Variants in SLIT1 observed in about 807,000 individuals in gnomAD.
The protein encoded by SLIT1 is slit homolog 1 protein.
Under a neutral mutation model 186.1 loss-of-function variants are expected in SLIT1, and 66 were observed. The observed-to-expected ratio is 0.35, with a 90% CI of 0.29 to 0.44. The LOEUF is 0.44. SLIT1 is among the 20% of genes least tolerant of loss of function. SLIT1 has a pLI of 1.00. For synonymous variants in SLIT1, 761 were observed against 833.8 expected (o/e 0.91, Z 1.50); for missense variants, 1,638 against 2,037.4 (o/e 0.80, Z 3.77).
intron 4 of SLIT1, among the ~76,000 whole-genome samples, chr10:97,112,341 C>G (rs543212963): frequency 3.9e-5 from 6 of 152,230 alleles, no homozygotes; most frequent in Non-Finnish European, 8.8e-5. Context: ...TCTCTGTTTT[C>G]TTCTCCATCC....
At chr10:97,127,285 C>CA (rs34328563) in intron 4 of SLIT1, among the ~76,000 whole-genome samples, 78 of 131,314 alleles carry the variant, frequency 5.9e-4, no homozygotes, top group Middle Eastern at 3.9e-3. Context: ...GACTCCGTCT[C>CA]AAAAAAAAAA....
chr10:97,139,883 G>T (rs192062284), intron 4 of SLIT1, among the ~76,000 whole-genome samples: 4 of 152,284 alleles, frequency 2.6e-5, no homozygotes, highest in African/African-American at 9.6e-5. Context: ...CACAAGGTGG[G>T]TGTCCTTGGG....
chr10:97,005,153 CT>C (rs1019928527), intron 32 of SLIT1, among the ~76,000 whole-genome samples: 1 of 152,200 alleles, frequency 6.6e-6, no homozygotes, highest in Admixed American at 6.5e-5. Flanking sequence ...ACTGGGACCC[CT>C]GTCTGCTGGG....
rs903709586 is a variant in SLIT1 at position 97,184,562 on chromosome 10, A to T, written c.197+916T>A. 6.6e-6 allele frequency among the ~76,000 whole-genome samples: 1 copy of T among 152,046 alleles called. No homozygotes were observed. The highest frequency in any genetic ancestry group is 1.5e-5 in the Non-Finnish European group (1 of 67,994). ...AGAAAACAAAGTATAAAGGTCTGTA[A>T]ATACACACACTCAAACACACCCAAA... is the stretch of plus-strand genomic sequence containing the variant. On this transcript the variant is annotated intron_variant, in intron 1 of 36. Transcript: ENST00000266058. This position sits in a 1 kb window ranked among gnomAD's most constrained non-coding sequence, Gnocchi z 4.4.
Position 97,060,104 on chromosome 10 carries a change from G to A in SLIT1, c.996C>T (p.Tyr332=), listed in dbSNP as rs748073367. 41 of 1,613,698 alleles carry A rather than the reference G, an allele frequency of 2.5e-5. No individual in the cohort carries two copies. Among genetic ancestry groups the A allele is most frequent in the Non-Finnish European group, 3.3e-5 (39 of 1,179,670 alleles). ...GCACTCACATCCTCCGTAGCTTTCT[G>A]TAGGGTGAGAAGGCTCCAGGAGGGA... ...KSIPPGAFSP[Y]RKLRRIDLSN... is the part of the protein sequence containing the mutation. The change falls in exon 10 of 37, where the codon TAC becomes TAT. Residue 332 remains tyrosine, a synonymous_variant. Transcript: ENST00000266058.
intron 4 of SLIT1, among the ~76,000 whole-genome samples, chr10:97,087,687 ATC>A (rs1445643689): frequency 6.6e-6 from 1 of 152,142 alleles, no homozygotes; most frequent in African/African-American, 2.4e-5. Flanking sequence ...TGTCCTGAGT[ATC>A]TAGGGGGTAG....
In SLIT1 at chr10:97,125,940, T is replaced by A. The variant is rs1011732808; in HGVS notation, c.413+31878A>T. 7.2e-5 allele frequency among the ~76,000 whole-genome samples: 11 copies of A among 152,118 alleles called. No homozygotes were observed. In the East Asian group the frequency reaches 9.6e-4, roughly 13 times the overall value. ...TGCTGATATACAGTGGTCTCTTAGC[T>A]CTACAGGAGGAAAATAAACAGGTAA... On this transcript the variant is annotated intron_variant, in intron 4 of 36. Transcript: ENST00000266058.
chr10:97,185,516 C>T lies in SLIT1; in HGVS notation c.159G>A (p.Gln53=). ...TCCGAGGTATATTCTTGGGAATGGCCTGCAGCCCCGTGCCGTGGCAGTCCA... is the reference window on the plus strand; with the variant it reads ...TCCGAGGTATATTCTTGGGAATGGCTTGCAGCCCCGTGCCGTGGCAGTCCA... ...TTVDCHGTGL[Q]AIPKNIPRNT... The change falls in exon 1 of 37, where the codon CAG becomes CAA. Residue 53 remains glutamine, a synonymous_variant. Transcript: ENST00000266058. The T allele has an allele frequency of 6.2e-7, 1 of 1,612,442 alleles. No individual in the cohort carries two copies. The highest frequency in any genetic ancestry group is 8.5e-7 in the Non-Finnish European group (1 of 1,179,714).
intron 1 of SLIT1, among the ~76,000 whole-genome samples, chr10:97,179,635 T>C (rs1448491043): frequency 6.6e-6 from 1 of 152,196 alleles, no homozygotes; most frequent in Non-Finnish European, 1.5e-5. Context: ...CCTTACACTT[T>C]TGTTCTTTCT....
chr10:97,042,331 G>C (rs1043679320), intron 20 of SLIT1, among the ~76,000 whole-genome samples: 2 of 152,188 alleles, frequency 1.3e-5, no homozygotes, highest in Non-Finnish European at 2.9e-5. Context: ...GAGACACTAA[G>C]GATGGGATGG....
In SLIT1 at chr10:97,017,869, A is replaced by G. The variant is rs528427894; in HGVS notation, c.2969+717T>C. On this transcript the variant is annotated intron_variant, in intron 28 of 36. Coordinates refer to ENST00000266058, the MANE Select transcript of SLIT1 (RefSeq NM_003061.3). ...TTTTCTTTTTTTTTTTTTTTTTGAG[A>G]CAGAGTTTCGCTCTTGTTGCTCAGG... Among the ~76,000 whole-genome samples, 11 of 143,086 alleles carry G rather than the reference A, an allele frequency of 7.7e-5. No individual in the cohort carries two copies. The East Asian group carries it at 2.1e-3, about 27-fold the overall frequency. The allele number at this position is 143,086 out of a possible 152,430, so 93.9% of individuals were successfully genotyped here.
chr10:97,162,592 G>A (rs1045230066), intron 3 of SLIT1, among the ~76,000 whole-genome samples: 1 of 152,184 alleles, frequency 6.6e-6, no homozygotes, highest in Admixed American at 6.5e-5. Flanking sequence ...CAGCCTGGTA[G>A]ACACAGCAAG....
At position 97,043,295 on chromosome 10, in the gene SLIT1, T is replaced by C; in HGVS notation, c.1997+75A>G. On this transcript the variant is annotated intron_variant, in intron 19 of 36. Transcript: ENST00000266058. This position sits in a 1 kb window ranked among gnomAD's most constrained non-coding sequence, Gnocchi z 7.0. ...CCCAGCACCCCCAGGGTGAGCTCTT[T>C]CAAAGTGGCTGGCCGAGACGGTTGG... 6.3e-7 allele frequency: 1 copy of C among 1,585,846 alleles called. No individual in the cohort carries two copies.
intron 4 of SLIT1, among the ~76,000 whole-genome samples, chr10:97,146,832 CCA>C (rs1564687739): frequency 1.3e-5 from 2 of 152,144 alleles, no homozygotes; most frequent in Non-Finnish European, 2.9e-5. Flanking sequence ...CAGAAAGAAA[CCA>C]CACTTGCCAG....
intron 4 of SLIT1, among the ~76,000 whole-genome samples, chr10:97,081,513 T>C (rs1849105005): frequency 1.3e-5 from 2 of 152,148 alleles, no homozygotes. Flanking sequence ...CTCAGTCTTC[T>C]ACGGGGCTGT....
At chr10:97,119,913 G>GTGTATATATATATATATATATA (rs1241836707) in intron 4 of SLIT1, among the ~76,000 whole-genome samples, 5 of 56,510 alleles carry the variant, frequency 8.8e-5, no homozygotes, top group Non-Finnish European at 1.1e-4. Flanking sequence ...TTCCAAAGGG[G>GTGTATATATATATATATATATA]TATATATATA....
chr10:97,014,837 G>A (rs1430285757), intron 28 of SLIT1, among the ~76,000 whole-genome samples: 1 of 150,918 alleles, frequency 6.6e-6, no homozygotes, highest in Non-Finnish European at 1.5e-5. Context: ...CTGCACTCCA[G>A]CCTGGGTGAC....
chr10:97,021,244 G>C lies in SLIT1; in HGVS notation c.2746+6C>G. 2.5e-6 allele frequency: 4 copies of C among 1,613,014 alleles called. No homozygotes were observed. The highest frequency in any genetic ancestry group is 3.4e-6 in the Non-Finnish European group (4 of 1,179,370). On this transcript the variant is annotated splice_donor_region_variant and intron_variant, in intron 26 of 36. Coordinates refer to ENST00000266058, the MANE Select transcript of SLIT1 (RefSeq NM_003061.3). This position sits in a 1 kb window ranked among gnomAD's most constrained non-coding sequence, Gnocchi z 4.5. ...CAGCAGCAGGAGGCTGTGCTCCTAG[G>C]CTCACCTTGGCATTCAAACTTCTTG...
chr10:97,026,009 CACA>C (rs558494102), intron 25 of SLIT1, among the ~76,000 whole-genome samples: 209 of 151,938 alleles, frequency 1.4e-3, no homozygotes, highest in Middle Eastern at 3.4e-3. Flanking sequence ...ATGAGAAAAG[CACA>C]ACATCTTAGT....
Sources: allele counts gnomAD v4.1 joint callset (sites outside exome capture counted in the v4.1 genomes callset), GRCh38; gene constraint gnomAD v4.1.1; non-coding constraint Gnocchi (gnomAD v3.1); transcripts MANE v1.5; gene names NCBI Gene and HGNC (gene_info 2026-07-23, HGNC 2026-07-21).